The following CBFB variants were observed in gnomAD, a reference collection of about 807,000 sequenced individuals.
CBFB encodes core-binding factor subunit beta, also known as CBF-beta.
A neutral mutation model predicts 30.4 loss-of-function variants in CBFB; 9 were observed. The ratio of observed to expected loss-of-function variants is 0.30; its 90% confidence interval spans 0.18 to 0.52. The LOEUF (loss-of-function observed/expected upper bound fraction) is 0.52. Among genes scored for constraint, CBFB ranks in the 20% least tolerant of loss-of-function variants. CBFB has a pLI of 0.97. For missense variants in CBFB, 170 were observed against 244.0 expected (o/e 0.70, Z 2.02); for synonymous variants, 94 against 84.0 (o/e 1.12, Z -0.65).
At chr16:67,087,862 A>T (rs191314386) in intron 5 of CBFB, among the ~76,000 whole-genome samples, 6 of 152,296 alleles carry the variant, frequency 3.9e-5, no homozygotes, top group Admixed American at 3.9e-4. Context: ...ACTTAGTATG[A>T]TGCTTGGTAT....
At position 67,082,308 on chromosome 16, in the gene CBFB, G is replaced by A. The variant is rs201472499; in HGVS notation, c.495G>A (p.Glu165=). The change falls in exon 5 of 6, where the codon GAG becomes GAA. Residue 165 remains glutamate (E), a splice_region_variant and synonymous_variant. Transcript: ENST00000412916. ...ACAGGTCTCATCGGGAGGAAATGGA[G>A]GTGAGAGTTTCACAGCTGCTGGCAG... ...DRDRSHREEM[E]ARRQQDPSPG... 36 of 1,612,454 alleles carry A rather than the reference G, an allele frequency of 2.2e-5. No homozygotes were observed. Among genetic ancestry groups the A allele is most frequent in the Non-Finnish European group, 3.0e-5 (35 of 1,178,782 alleles).
At chr16:67,033,077 G>A (rs1966380259) in intron 2 of CBFB, among the ~76,000 whole-genome samples, 1 of 152,132 alleles carries the variant, frequency 6.6e-6, no homozygotes, top group Non-Finnish European at 1.5e-5. Flanking sequence ...GTTTCACCAT[G>A]TTTGCCAGGC....
chr16:67,034,421 T>A (rs1966408384), intron 2 of CBFB, among the ~76,000 whole-genome samples: 1 of 152,260 alleles, frequency 6.6e-6, no homozygotes, highest in East Asian at 1.9e-4. Context: ...TTTTCGTCTT[T>A]ATTTTCCTAT....
intron 3 of CBFB, among the ~76,000 whole-genome samples, chr16:67,044,467 GTATT>G (rs763160700): frequency 9.2e-5 from 14 of 152,200 alleles, no homozygotes; most frequent in Non-Finnish European, 1.8e-4. Context: ...ACATCGAGAA[GTATT>G]TATTAAGTAT....
chr16:67,086,704 AAGTAAAGTAAT>A (rs2145777337), intron 5 of CBFB, among the ~76,000 whole-genome samples: 1 of 152,362 alleles, frequency 6.6e-6, no homozygotes, highest in Admixed American at 6.5e-5. Flanking sequence ...TTAACTAGTT[AAGTAAAGTAAT>A]AAACCCCAAG....
chr16:67,031,672 G>A (rs982974712), intron 2 of CBFB, among the ~76,000 whole-genome samples: 4 of 151,826 alleles, frequency 2.6e-5, no homozygotes, highest in Admixed American at 6.6e-5. Flanking sequence ...CACCACGCCC[G>A]GCTAATTTTT....
At chr16:67,078,432 G>C (rs2145765988) in intron 4 of CBFB, among the ~76,000 whole-genome samples, 1 of 152,178 alleles carries the variant, frequency 6.6e-6, no homozygotes, top group South Asian at 2.1e-4. Flanking sequence ...TGTAGTCCCT[G>C]CTACTTGGGA....
chr16:67,099,623 T>G lies in CBFB; in HGVS notation c.*845T>G, dbSNP rs1962160962. ...TAGCTTCTGTTCTGTAATCATGAGT[T>G]TGGTTGGAGATATTCTCCATAGATG... On this transcript the variant is annotated 3_prime_UTR_variant, in exon 6 of 6. Coordinates refer to ENST00000412916, the MANE Select transcript of CBFB (RefSeq NM_022845.3). The G allele has an allele frequency of 4.9e-6, 1 of 202,026 alleles. No individual in the cohort carries two copies. The highest frequency in any genetic ancestry group is 1.0e-5 in the Non-Finnish European group (1 of 98,102). The allele number at this position is 202,026 out of a possible 1,614,324, so 12.5% of individuals were successfully genotyped here. A position where few individuals can be genotyped will look rare whatever the true frequency, so the allele number is the denominator to read the frequency against.
intron 3 of CBFB, 118 bp downstream of exon 3, chr16:67,036,873 G>C (rs1966447934): frequency 1.1e-5 from 7 of 651,720 alleles, no homozygotes; most frequent in Non-Finnish European, 1.9e-5. Flanking sequence ...GCTCAGATTT[G>C]TTTTCATTCC....
Position 67,099,762 on chromosome 16 carries a change from C to T in CBFB, c.*984C>T, listed in dbSNP as rs1962163980. On this transcript the variant is annotated 3_prime_UTR_variant, in exon 6 of 6. Transcript: ENST00000412916. ...TGGAGCTTCTTCATGTATGTAACAG[C>T]ATATTAAACTGGAGACAGTGATGAA... is the stretch of plus-strand genomic sequence containing the variant. The T allele has an allele frequency of 4.8e-6, 1 of 207,194 alleles. No individual in the cohort carries two copies. The highest frequency in any genetic ancestry group is 9.8e-6 in the Non-Finnish European group (1 of 101,540). 12.8% of individuals were successfully genotyped at this position (207,194 alleles called of 1,614,324 possible). A position where few individuals can be genotyped will look rare whatever the true frequency, so the allele number is the denominator to read the frequency against.
At chr16:67,097,797 G>A (rs1419429265) in intron 5 of CBFB, among the ~76,000 whole-genome samples, 1 of 152,120 alleles carries the variant, frequency 6.6e-6, no homozygotes, top group Non-Finnish European at 1.5e-5. Context: ...TATGGCATGT[G>A]CCCATAGTTC....
At chr16:67,042,488 A>G (rs1966548671) in intron 3 of CBFB, among the ~76,000 whole-genome samples, 1 of 152,192 alleles carries the variant, frequency 6.6e-6, no homozygotes. Flanking sequence ...AGATGCTACC[A>G]CAGTCAAGAT....
chr16:67,098,187 G>A (rs1349199635), intron 5 of CBFB, among the ~76,000 whole-genome samples: 1 of 152,112 alleles, frequency 6.6e-6, no homozygotes, highest in African/African-American at 2.4e-5. Context: ...CCAGGCTGGG[G>A]TGCAGTGGTG....
chr16:67,042,971 G>T (rs1386954607), intron 3 of CBFB, among the ~76,000 whole-genome samples: 1 of 151,976 alleles, frequency 6.6e-6, no homozygotes, highest in African/African-American at 2.4e-5. Context: ...CCTAACATCA[G>T]GTGATCTGCC....
intron 3 of CBFB, among the ~76,000 whole-genome samples, chr16:67,046,499 A>G (rs896313141): frequency 1.2e-4 from 18 of 152,184 alleles, no homozygotes; most frequent in African/African-American, 3.4e-4. Context: ...TAGTTTTACT[A>G]TTTCCCATTT....
intron 4 of CBFB, among the ~76,000 whole-genome samples, chr16:67,070,131 C>A (rs895403429): frequency 2.0e-5 from 3 of 152,164 alleles, no homozygotes; most frequent in Non-Finnish European, 4.4e-5. Context: ...TGTATCTTCC[C>A]ATATAGTTCT....
chr16:67,069,376 A>C (rs1961153600), intron 4 of CBFB, among the ~76,000 whole-genome samples: 1 of 152,148 alleles, frequency 6.6e-6, no homozygotes, highest in Admixed American at 6.6e-5. Context: ...TCTCAAAAAA[A>C]AAAAAAGAAA....
chr16:67,074,079 A>C (rs1597149859), intron 4 of CBFB, among the ~76,000 whole-genome samples: 1 of 152,300 alleles, frequency 6.6e-6, no homozygotes, highest in Admixed American at 6.5e-5. Flanking sequence ...CAGAAGATGC[A>C]TGTACTTAGA....
chr16:67,083,234 C>T (rs899441531), intron 5 of CBFB, among the ~76,000 whole-genome samples: 1 of 152,066 alleles, frequency 6.6e-6, no homozygotes, highest in Non-Finnish European at 1.5e-5. Flanking sequence ...CCAGCAGCCC[C>T]TTCCATATAT....
Sources: allele counts gnomAD v4.1 joint callset (sites outside exome capture counted in the v4.1 genomes callset), GRCh38; gene constraint gnomAD v4.1.1; transcripts MANE v1.5; gene names NCBI Gene and HGNC (gene_info 2026-07-23, HGNC 2026-07-21).